VPS29: variants seen among roughly 807,000 people sequenced by gnomAD.
The protein encoded by VPS29 is VPS29 retromer complex component, also known as vacuolar protein sorting-associated protein 29.
VPS29 carries 2 observed loss-of-function variants against 20.0 expected under a neutral mutation model. The observed-to-expected ratio is 0.10, with a 90% CI of 0.04 to 0.31. The LOEUF is 0.31. Among genes scored for constraint, VPS29 ranks in the 10% least tolerant of loss-of-function variants. The pLI is 1.00. For synonymous variants in VPS29, 81 were observed against 79.3 expected (o/e 1.02, Z -0.12); for missense variants, 120 against 215.3 (o/e 0.56, Z 2.77).
At chr12:110,501,478 C>T (rs1565866703) in intron 1 of VPS29, 3 of 1,535,474 alleles carry the variant, frequency 2.0e-6, no homozygotes, top group South Asian at 1.2e-5. Flanking sequence ...CGCCAAATCC[C>T]GCCCTCTGAG....
intron 3 of VPS29, among the ~76,000 whole-genome samples, chr12:110,492,563 C>G (rs1217266381): frequency 6.7e-6 from 1 of 148,608 alleles, no homozygotes; most frequent in African/African-American, 2.5e-5. Context: ...GAGCAAGACT[C>G]TGTCTCAAAA....
chr12:110,495,888 G>T, intron 2 of VPS29, 124 bp downstream of exon 2: 2 of 869,070 alleles, frequency 2.3e-6, no homozygotes, highest in Non-Finnish European at 3.3e-6. Context: ...TTTTACATTT[G>T]GAAAAGAAAA....
At chr12:110,498,939 AAAGAAG>A (rs1014259098) in intron 1 of VPS29, 6 of 640,614 alleles carry the variant, frequency 9.4e-6, no homozygotes, top group South Asian at 7.0e-5. Context: ...TCTATATTTA[AAAGAAG>A]AAGAAGAACA....
chr12:110,494,795 C>T (rs1036123565), intron 2 of VPS29, among the ~76,000 whole-genome samples: 3 of 152,080 alleles, frequency 2.0e-5, no homozygotes, highest in Non-Finnish European at 2.9e-5. Flanking sequence ...TCTCAGCTCA[C>T]TGCTAGCTCC....
At position 110,493,129 on chromosome 12, in the gene VPS29, C is replaced by T. The variant is rs1369599562; in HGVS notation, c.298G>A (p.Ala100Thr). ...ACATCAAATTGCCTCTGCAACAGGG[C>T]TAAGCTGGCCATATCTCCCCATGGA... ...VIPWGDMASL[A>T]LLQRQFDVDI... is the part of the protein sequence containing the mutation. Residue 100 changes from alanine to threonine, a missense_variant, in exon 3 of 4, where the codon GCC becomes ACC. Transcript: ENST00000549578. 6 of 1,613,852 alleles carry T rather than the reference C, an allele frequency of 3.7e-6. No individual in the cohort carries two copies.
Position 110,491,961 on chromosome 12 carries a change from A to G in VPS29, c.*44T>C. The G allele has an allele frequency of 7.2e-7, 1 of 1,391,320 alleles. No homozygotes were observed. Among genetic ancestry groups the G allele is most frequent in the South Asian group, 1.2e-5 (1 of 84,062 alleles). The allele number at this position is 1,391,320 out of a possible 1,614,324, so 86.2% of individuals were successfully genotyped here. A position where few individuals can be genotyped will look rare whatever the true frequency, so the allele number is the denominator to read the frequency against. The stretch of plus-strand genomic sequence containing the variant: ...AAATGTTTAATTACTTGATTTCAAC[A>G]GGACAATGAAAAAAAACCAAAAATC... On this transcript the variant is annotated 3_prime_UTR_variant, in exon 4 of 4. Coordinates refer to ENST00000549578, the MANE Select transcript of VPS29 (RefSeq NM_016226.5).
At chr12:110,493,362 ATT>A (rs1174705851) in intron 2 of VPS29, 131 bp from the exon 3 acceptor site, 4,574 of 457,938 alleles carry the variant, frequency 1.0e-2, no homozygotes, top group South Asian at 0.017. Flanking sequence ...ACATTTATAC[ATT>A]TTTTTTTTTT....
chr12:110,497,938 T>C (rs568352461), intron 1 of VPS29, among the ~76,000 whole-genome samples: 1 of 151,030 alleles, frequency 6.6e-6, no homozygotes, highest in African/African-American at 2.4e-5. Flanking sequence ...AACAAAAAAA[T>C]AGTATCTATC....
rs759462410 is a variant in VPS29 at position 110,502,089 on chromosome 12, C to T, written c.-38G>A. ...CTCCGCTCAGTCACCACCACCGTCG[C>T]CGCCCTCTTCCTCAGGCTCCTCGGC... On this transcript the variant is annotated 5_prime_UTR_variant, in exon 1 of 4. Transcript: ENST00000549578. The T allele has an allele frequency of 6.2e-7, 1 of 1,602,166 alleles. No homozygotes were observed. The highest frequency in any genetic ancestry group is 8.5e-7 in the Non-Finnish European group (1 of 1,173,000).
chr12:110,499,520 A>T, intron 1 of VPS29: 1 of 1,613,122 alleles, frequency 6.2e-7, no homozygotes, highest in Non-Finnish European at 8.5e-7. Flanking sequence ...GTAGGAGCTA[A>T]GTGAAGAAAC....
chr12:110,501,884 TC>T (rs1457262204), intron 1 of VPS29, 164 bp downstream of exon 1: 2 of 1,504,508 alleles, frequency 1.3e-6, no homozygotes, highest in Non-Finnish European at 1.8e-6. Context: ...GCCGCTCCCT[TC>T]CTTCCCTAGA....
chr12:110,495,921 C>T, intron 2 of VPS29, 91 bp downstream of exon 2: 2 of 1,173,904 alleles, frequency 1.7e-6, no homozygotes, highest in Admixed American at 2.6e-5. Context: ...AAAAACCTTA[C>T]CAGTTGAGAA....
At position 110,491,983 on chromosome 12, in the gene VPS29, A is replaced by T; in HGVS notation, c.*22T>A. Reference sequence around the variant, plus strand: ...AACAGGACAATGAAAAAAAACCAAAAATCATCAAGACAGGCCTGGCTTTAA... The same window carrying T: ...AACAGGACAATGAAAAAAAACCAAATATCATCAAGACAGGCCTGGCTTTAA... On this transcript the variant is annotated 3_prime_UTR_variant, in exon 4 of 4. Transcript: ENST00000549578. 4 of 1,593,378 alleles carry T rather than the reference A, an allele frequency of 2.5e-6. No homozygotes were observed. In the Middle Eastern group the frequency reaches 5.0e-4, roughly 199 times the overall value.
intron 3 of VPS29, among the ~76,000 whole-genome samples, chr12:110,492,652 CCTT>C (rs2062837243): frequency 5.5e-5 from 7 of 127,352 alleles, no homozygotes; most frequent in South Asian, 2.2e-4. Flanking sequence ...TATTGAGTCT[CCTT>C]CTGTCACCCT....
chr12:110,500,534 T>C (rs982415033), intron 1 of VPS29, among the ~76,000 whole-genome samples: 2 of 152,204 alleles, frequency 1.3e-5, no homozygotes, highest in Non-Finnish European at 2.9e-5. Flanking sequence ...TAAAGAAGCA[T>C]GCACCATAAA....
chr12:110,493,972 T>C (rs750051494), intron 2 of VPS29, among the ~76,000 whole-genome samples: 2 of 152,150 alleles, frequency 1.3e-5, no homozygotes, highest in Admixed American at 6.6e-5. Context: ...GGCACTACTG[T>C]AGGGGTTTTA....
rs1176129449 is a variant in VPS29, at chr12:110,499,634, A to G, written c.3+2415T>C. 4.9e-6 allele frequency: 5 copies of G among 1,012,170 alleles called. No individual in the cohort carries two copies. The African/African-American group carries it at 6.6e-5, about 13-fold the overall frequency. The allele number at this position is 1,012,170 out of a possible 1,614,324, so 62.7% of individuals were successfully genotyped here. On this transcript the variant is annotated intron_variant, in intron 1 of 3. Coordinates refer to ENST00000549578, the MANE Select transcript of VPS29 (RefSeq NM_016226.5). Reference sequence around the variant, plus strand: ...CCAATGTTAAAAGAAAGCAACAAAAAGAAACCAAAAAAAAAAAAGAGAACA... The same window carrying G: ...CCAATGTTAAAAGAAAGCAACAAAAGGAAACCAAAAAAAAAAAAGAGAACA...
At chr12:110,495,184 A>C (rs2062885142) in intron 2 of VPS29, among the ~76,000 whole-genome samples, 1 of 152,162 alleles carries the variant, frequency 6.6e-6, no homozygotes, top group South Asian at 2.1e-4. Context: ...CACTCCTTCA[A>C]AACTCCCTCA....
chr12:110,493,343 A>C (rs1592990513), intron 2 of VPS29, 112 bp from the exon 3 acceptor site: 4 of 695,142 alleles, frequency 5.8e-6, no homozygotes, highest in Non-Finnish European at 8.5e-6. Flanking sequence ...GTAGTACCCC[A>C]CAACACACAC....
Sources: gnomAD v4.1 joint callset for allele counts (sites outside exome capture counted in the v4.1 genomes callset) on GRCh38, gnomAD v4.1.1 for gene constraint, MANE v1.5 for transcripts, NCBI Gene and HGNC (gene_info 2026-07-23, HGNC 2026-07-21) for gene names.